The following ATP7A variants were observed in gnomAD, a reference collection of about 807,000 sequenced individuals.
ATP7A encodes copper-transporting ATPase 1.
Under a neutral mutation model 83.5 loss-of-function variants are expected in ATP7A, and 7 were observed. That is an observed-to-expected ratio of 0.08 (90% CI 0.05 to 0.16). The LOEUF (loss-of-function observed/expected upper bound fraction) is 0.16, where lower values mean the gene tolerates loss of function less well. ATP7A is among the 10% of genes least tolerant of loss of function. The pLI, the probability that ATP7A is intolerant of heterozygous loss-of-function variation, is 1.00. For missense variants in ATP7A, 940 were observed against 1,120.8 expected (o/e 0.84, Z 2.30); for synonymous variants, 354 against 395.2 (o/e 0.90, Z 1.24).
In ATP7A at chrX:78,046,544, A is replaced by G. The variant is rs1446161225; in HGVS notation, c.4477A>G (p.Arg1493Gly). The change falls in exon 23 of 23, where the codon AGG (arginine) becomes GGG (glycine). Residue 1493 changes from arginine to glycine, a missense_variant. This residue lies in a region of ATP7A where 386 missense variants were observed against 502.2 expected (regional missense o/e 0.77). Coordinates refer to ENST00000341514, the MANE Select transcript of ATP7A (RefSeq NM_000052.7). ...GCACTCACTCCTGGTGGGAGACTTC[A>G]GGGAAGATGATGACACTGCATTATA... Reference protein sequence around the residue: ...DKHSLLVGDFREDDDTAL With the variant: ...DKHSLLVGDFGEDDDTAL 8.3e-7 allele frequency: 1 copy of G among 1,211,753 alleles called. No homozygotes were observed. The highest frequency in any genetic ancestry group is 1.7e-5 in the African/African-American group (1 of 57,786).
chrX:78,017,024 T>C (rs1446723923), intron 12 of ATP7A, among the ~76,000 whole-genome samples: 1 of 112,740 alleles, frequency 8.9e-6, no homozygotes, highest in Non-Finnish European at 1.9e-5. Context: ...CCTTCTGCAC[T>C]GCCCTAGCAG....
At position 78,038,955 on chromosome X, in the gene ATP7A, C is replaced by T. The variant is rs782786661; in HGVS notation, c.3631C>T (p.Arg1211Trp). The T allele has an allele frequency of 9.1e-6, 11 of 1,209,267 alleles. No individual in the cohort carries two copies. In the East Asian group the frequency reaches 1.2e-4, roughly 13 times the overall value. The change falls in exon 18 of 23, where the codon CGG (arginine) becomes TGG (tryptophan). Residue 1211 changes from arginine to tryptophan, a missense_variant. Arg to Trp is a moderately radical substitution (Grantham distance 101). Around this residue, in one of 3 missense-constraint regions of ATP7A, gnomAD observed 386 missense variants for 502.2 expected, o/e 0.77. Transcript: ENST00000341514. Reference sequence around the variant, plus strand: ...CATGACTGAACATGAGAGAAAAGGTCGGACTGCTGTATTAGTAGCAGTTGA... The same window carrying T: ...CATGACTGAACATGAGAGAAAAGGTTGGACTGCTGTATTAGTAGCAGTTGA... ...DFMTEHERKG[R>W]TAVLVAVDDE...
rs781837839 is a variant in ATP7A at position 77,917,497 on chromosome X, A to C, written c.-22+6662A>C. ...AGTGGTTGGGGTCAGTAACCCTTGT[A>C]TCAGTTAAGCAATGTACACATGAAG... On this transcript the variant is annotated intron_variant, in intron 1 of 22. Transcript: ENST00000341514. Among the ~76,000 whole-genome samples the C allele has an allele frequency of 3.6e-5, 4 of 111,788 alleles. No homozygotes were observed. In the South Asian group the frequency reaches 1.5e-3, roughly 42 times the overall value.
intron 1 of ATP7A, among the ~76,000 whole-genome samples, chrX:77,934,290 C>T (rs939937182): frequency 3.6e-5 from 4 of 110,857 alleles, no homozygotes; most frequent in Non-Finnish European, 5.7e-5. Context: ...TGGTGGCACA[C>T]ACCTGTAGTC....
intron 1 of ATP7A, among the ~76,000 whole-genome samples, chrX:77,915,736 T>G (rs2077181545): frequency 8.9e-6 from 1 of 111,881 alleles, no homozygotes; most frequent in South Asian, 3.7e-4. Context: ...AAATTTTTTT[T>G]GGAGACAGGG....
chrX:77,969,326 C>A, intron 1 of ATP7A: 1 of 1,211,679 alleles, frequency 8.3e-7, no homozygotes, highest in Non-Finnish European at 1.1e-6. Flanking sequence ...CCATGCTTTG[C>A]AGCAGTTTCT....
At chrX:78,005,683 CAAAAA>C (rs1218646073) in intron 6 of ATP7A, among the ~76,000 whole-genome samples, 2 of 13,700 alleles carry the variant, frequency 1.5e-4, no homozygotes, top group African/African-American at 3.0e-4. Context: ...AACTCCATCT[CAAAAA>C]AAAAAAAAAA....
chrX:77,916,415 T>C (rs1026195051), intron 1 of ATP7A, among the ~76,000 whole-genome samples: 1 of 105,480 alleles, frequency 9.5e-6, no homozygotes, highest in Non-Finnish European at 2.0e-5. Context: ...ATTGAGAGGG[T>C]CCCCCAGTAG....
chrX:78,031,135 T>C (rs781791173), intron 15 of ATP7A, among the ~76,000 whole-genome samples: 1 of 112,100 alleles, frequency 8.9e-6, no homozygotes, highest in East Asian at 2.8e-4. Flanking sequence ...CCCTTAAAAA[T>C]TAGCTCTAGT....
At chrX:77,931,303 CAT>C (rs1174480712) in intron 1 of ATP7A, among the ~76,000 whole-genome samples, 22 of 110,728 alleles carry the variant, frequency 2.0e-4, no homozygotes, top group African/African-American at 6.9e-4. Context: ...GGACACAGCA[CAT>C]GTTTCAGAGA....
intron 12 of ATP7A, among the ~76,000 whole-genome samples, chrX:78,018,039 G>C (rs2077880392): frequency 9.5e-6 from 1 of 105,490 alleles, no homozygotes; most frequent in Admixed American, 1.0e-4. Context: ...GCCTCCCAAA[G>C]TGCTGGGATT....
chrX:78,019,265 G>T (rs1358712946), intron 12 of ATP7A, among the ~76,000 whole-genome samples: 4 of 111,524 alleles, frequency 3.6e-5, no homozygotes, highest in African/African-American at 1.3e-4. Flanking sequence ...ACGAGTCCAG[G>T]TTTTCCACAT....
At chrX:77,997,599 A>G (rs911160131) in intron 4 of ATP7A, among the ~76,000 whole-genome samples, 2 of 109,999 alleles carry the variant, frequency 1.8e-5, no homozygotes, top group African/African-American at 6.6e-5. Flanking sequence ...AGGGGAGGAG[A>G]AAATCTTTGG....
chrX:77,976,377 C>T (rs2077576904), intron 2 of ATP7A, among the ~76,000 whole-genome samples: 2 of 112,129 alleles, frequency 1.8e-5, no homozygotes, highest in South Asian at 7.3e-4. Flanking sequence ...GGTTTTGGCT[C>T]TTTAGTGAAA....
intron 17 of ATP7A, among the ~76,000 whole-genome samples, chrX:78,036,561 A>G (rs1557237766): frequency 9.0e-6 from 1 of 111,355 alleles, no homozygotes; most frequent in Non-Finnish European, 1.9e-5. Context: ...AGTTTTGAGT[A>G]GAGGAGGGAC....
chrX:77,965,066 A>C (rs1405553170), intron 1 of ATP7A, among the ~76,000 whole-genome samples: 1 of 110,560 alleles, frequency 9.0e-6, no homozygotes, highest in Non-Finnish European at 1.9e-5. Flanking sequence ...TTTTTTTTTT[A>C]AGTTAAAAGA....
chrX:78,041,280 T>C, intron 19 of ATP7A, among the ~76,000 whole-genome samples: 1 of 108,378 alleles, frequency 9.2e-6, no homozygotes, highest in East Asian at 2.9e-4. Flanking sequence ...CTTTTGTTTC[T>C]TTTTTTTTTC....
intron 2 of ATP7A, among the ~76,000 whole-genome samples, chrX:77,973,380 A>C (rs1316646075): frequency 1.8e-5 from 2 of 111,895 alleles, no homozygotes; most frequent in Non-Finnish European, 3.8e-5. Context: ...CACAGTGGAA[A>C]TACCATTTTA....
At chrX:78,002,797 TATAC>T (rs1261446922) in intron 5 of ATP7A, among the ~76,000 whole-genome samples, 8 of 78,175 alleles carry the variant, frequency 1.0e-4, no homozygotes, top group African/African-American at 5.1e-4. Flanking sequence ...ATTATGTTCT[TATAC>T]ACACACACAC....
Sources: allele counts gnomAD v4.1 joint callset (sites outside exome capture counted in the v4.1 genomes callset), GRCh38; gene constraint gnomAD v4.1.1; regional missense constraint gnomAD v4.1.1; transcripts MANE v1.5; gene names NCBI Gene and HGNC (gene_info 2026-07-23, HGNC 2026-07-21).